The following ZFR2 variants were observed in gnomAD, a reference collection of about 807,000 sequenced individuals.
The protein encoded by ZFR2 is zinc finger RNA binding protein 2.
A neutral mutation model predicts 105.7 loss-of-function variants in ZFR2; 104 were observed. The ratio of observed to expected loss-of-function variants is 0.98; its 90% CI spans 0.84 to 1.16. The LOEUF (loss-of-function observed/expected upper bound fraction) is 1.16, where lower values mean the gene tolerates loss of function less well. Among genes scored for constraint, ZFR2 ranks in the 50% most tolerant of loss-of-function variants. ZFR2 has a pLI of 0.00. For synonymous variants in ZFR2, 634 were observed against 597.7 expected (o/e 1.06, Z -0.89); for missense variants, 1,425 against 1,355.5 (o/e 1.05, Z -0.80).
Position 3,806,033 on chromosome 19 carries a change from C to T in ZFR2, c.2736G>A (p.Arg912=). The T allele has an allele frequency of 6.5e-7, 1 of 1,542,576 alleles. No homozygotes were observed. The highest frequency in any genetic ancestry group is 8.7e-7 in the Non-Finnish European group (1 of 1,145,064). ...PPRHRLGARF[R]KRQRGPGEGE... ...CCTCGCCAGGTCCCCGTTGCCTCTT[C>T]CGGAAGCGGGCCCCCAGCCGGTGTC... Residue 912 remains arginine, a synonymous_variant, in exon 19 of 19, where the codon CGG becomes CGA. Coordinates refer to ENST00000262961, the MANE Select transcript of ZFR2 (RefSeq NM_015174.2).
intron 14 of ZFR2, among the ~76,000 whole-genome samples, chr19:3,811,911 C>T (rs111909727): frequency 2.6e-5 from 4 of 152,176 alleles, no homozygotes; most frequent in African/African-American, 9.6e-5. Context: ...CAGGCGTGCA[C>T]CACCACACCC....
At chr19:3,807,348 C>T in intron 17 of ZFR2, 79 bp from the exon 18 acceptor site, 2 of 1,100,190 alleles carry the variant, frequency 1.8e-6, no homozygotes, top group Admixed American at 2.1e-5. Context: ...TCCCTCGACA[C>T]CGTGGGGCCT....
Position 3,805,639 on chromosome 19 carries a change from C to A in ZFR2, c.*310G>T. 3.5e-6 allele frequency: 1 copy of A among 289,780 alleles called. No homozygotes were observed. Among genetic ancestry groups the A allele is most frequent in the East Asian group, 6.3e-5 (1 of 15,774 alleles). The allele number at this position is 289,780 out of a possible 1,614,324, so 18.0% of individuals were successfully genotyped here. ...GTGCTGGGATTACAGGCGTGAATCA[C>A]CGCGCCTGGCCACCAACCATGCCAA... is the stretch of plus-strand genomic sequence containing the variant. On this transcript the variant is annotated 3_prime_UTR_variant, in exon 19 of 19. Coordinates refer to ENST00000262961, the MANE Select transcript of ZFR2 (RefSeq NM_015174.2).
intron 1 of ZFR2, among the ~76,000 whole-genome samples, chr19:3,860,230 G>T (rs925908913): frequency 5.4e-4 from 81 of 150,478 alleles, no homozygotes; most frequent in Non-Finnish European, 9.9e-4. Flanking sequence ...AGATGGGGGG[G>T]GTCTCACTAT....
Position 3,813,779 on chromosome 19 carries a change from CGT to C in ZFR2, c.2242+39_2242+40del, listed in dbSNP as rs1272471322. The C allele has an allele frequency of 6.2e-7, 1 of 1,608,134 alleles. No homozygotes were observed. The highest frequency in any genetic ancestry group is 1.3e-5 in the African/African-American group (1 of 74,774). ...GGGTGTGGGGAGCGCCCTGGGGAAG[CGT>C]GAGGGGGACAGTGGTTGGAAGGAAG... is the stretch of plus-strand genomic sequence containing the variant. On this transcript the variant is annotated intron_variant, in intron 14 of 18. Transcript: ENST00000262961. The surrounding 1 kb of genome is among the most constrained non-coding windows in gnomAD (Gnocchi z 4.4).
chr19:3,846,201 G>T (rs1599247572), intron 1 of ZFR2, among the ~76,000 whole-genome samples: 1 of 152,168 alleles, frequency 6.6e-6, no homozygotes, highest in Non-Finnish European at 1.5e-5. Flanking sequence ...GTTCTTGAAC[G>T]CCTGACCTTA....
chr19:3,836,980 T>C (rs570443416), intron 1 of ZFR2, among the ~76,000 whole-genome samples: 12 of 152,236 alleles, frequency 7.9e-5, no homozygotes, highest in African/African-American at 2.4e-4. Context: ...GAGGGTCATT[T>C]TGGGGAAAAT....
chr19:3,848,169 T>C (rs1239383672), intron 1 of ZFR2, among the ~76,000 whole-genome samples: 4 of 152,208 alleles, frequency 2.6e-5, no homozygotes, highest in Non-Finnish European at 5.9e-5. Context: ...CCCAGTACTT[T>C]GGGAGGCCGA....
chr19:3,806,855 C>T (rs905487334), intron 18 of ZFR2, among the ~76,000 whole-genome samples: 2 of 152,220 alleles, frequency 1.3e-5, no homozygotes, highest in East Asian at 1.9e-4. Context: ...GCTGGGCAGG[C>T]GGAGCTGTCG....
rs751618030 is a variant in ZFR2, at chr19:3,819,223, G to A, written c.1753C>T (p.Pro585Ser). 6.5e-7 allele frequency: 1 copy of A among 1,545,142 alleles called. No individual in the cohort carries two copies. The highest frequency in any genetic ancestry group is 2.3e-5 in the East Asian group (1 of 44,000). Residue 585 changes from proline to serine, a missense_variant, in exon 12 of 19, where the codon CCG becomes TCG. Physicochemically the swap from Pro to Ser is moderately conservative, Grantham distance 74. Coordinates refer to ENST00000262961, the MANE Select transcript of ZFR2 (RefSeq NM_015174.2). ...ASAPLQPGRRPASSDDRHVMC... is the reference protein window; with the variant it reads ...ASAPLQPGRRSASSDDRHVMC... ...ACGTGCCGGTCGTCGCTGGACGCCG[G>A]CCGCCGCCCGGGCTGTGGGGAGAGG...
chr19:3,842,444 T>C (rs1281516804), intron 1 of ZFR2, among the ~76,000 whole-genome samples: 1 of 152,174 alleles, frequency 6.6e-6, no homozygotes, highest in Non-Finnish European at 1.5e-5. Context: ...AATTTTGATC[T>C]AAAAACTTGA....
In ZFR2 at chr19:3,838,825, G is replaced by A. The variant is rs2038105498; in HGVS notation, c.54-3842C>T. On this transcript the variant is annotated intron_variant, in intron 1 of 18. Transcript: ENST00000262961. This position sits in a 1 kb window ranked among gnomAD's most constrained non-coding sequence, Gnocchi z 4.9. The stretch of plus-strand genomic sequence containing the variant: ...TACACTGCACGTCTGTCCACAGGCC[G>A]TCTCCTCCCTGGTCCCGATGCCCTG... Among the ~76,000 whole-genome samples, 3 of 152,224 alleles carry A rather than the reference G, an allele frequency of 2.0e-5. No individual in the cohort carries two copies. Among genetic ancestry groups the A allele is most frequent in the South Asian group, 2.1e-4 (1 of 4,818 alleles).
chr19:3,820,942 G>GTCACAA lies in ZFR2; in HGVS notation c.1631+397_1631+398insTTGTGA, dbSNP rs1568420867. On this transcript the variant is annotated intron_variant, in intron 10 of 18. Transcript: ENST00000262961. ...GGACACCGGGGGTCGGGGGACACAG[G>GTCACAA]GACACTAGAGGTCGGTGGACACAGG... Among the ~76,000 whole-genome samples the GTCACAA allele has an allele frequency of 2.4e-4, 24 of 100,894 alleles. 3 individuals carry two copies. The highest frequency in any genetic ancestry group is 6.0e-4 in the South Asian group (2 of 3,334). The allele number at this position is 100,894 out of a possible 152,430, so 66.2% of individuals were successfully genotyped here.
At chr19:3,850,454 C>A (rs573976912) in intron 1 of ZFR2, among the ~76,000 whole-genome samples, 6 of 152,148 alleles carry the variant, frequency 3.9e-5, no homozygotes, top group Admixed American at 3.3e-4. Context: ...ATTACGTCCC[C>A]CTGCCCCCAA....
intron 1 of ZFR2, among the ~76,000 whole-genome samples, chr19:3,848,650 C>G (rs1313212625): frequency 2.0e-5 from 3 of 151,088 alleles, no homozygotes; most frequent in Admixed American, 1.3e-4. Context: ...GAGATCACAC[C>G]ACTGCACTCC....
At chr19:3,851,284 A>G (rs2038235240) in intron 1 of ZFR2, among the ~76,000 whole-genome samples, 1 of 152,168 alleles carries the variant, frequency 6.6e-6, no homozygotes, top group Non-Finnish European at 1.5e-5. Flanking sequence ...AGTCAAAGCC[A>G]GCTCTCAGCA....
intron 13 of ZFR2, 58 bp downstream of exon 13, chr19:3,816,616 G>A (rs767740576): frequency 2.0e-5 from 31 of 1,557,128 alleles, no homozygotes; most frequent in African/African-American, 1.4e-4. Flanking sequence ...AAGGGGCTGC[G>A]GGGAGAGGGC....
chr19:3,820,343 T>C lies in ZFR2; in HGVS notation c.1632-53A>G, dbSNP rs111677091. ...GGTCAGGCCAGCAGTGGCCCTAAGC[T>C]GGGGGCAAGTCAGAAACACTGGGGC... On this transcript the variant is annotated intron_variant, in intron 10 of 18. Transcript: ENST00000262961. 1.5e-3 allele frequency: 2,275 copies of C among 1,483,562 alleles called. 33 individuals carry two copies. In the East Asian group the frequency reaches 0.025, roughly 17 times the overall value. The allele number at this position is 1,483,562 out of a possible 1,614,324, so 91.9% of individuals were successfully genotyped here. A position where few individuals can be genotyped will look rare whatever the true frequency, so the allele number is the denominator to read the frequency against.
chr19:3,820,737 A>G (rs1180949683), intron 10 of ZFR2, among the ~76,000 whole-genome samples: 1 of 121,422 alleles, frequency 8.2e-6, no homozygotes, highest in African/African-American at 3.1e-5. Context: ...CAGGGTCATC[A>G]GGGGTCAGGA....
Sources: allele counts gnomAD v4.1 joint callset (sites outside exome capture counted in the v4.1 genomes callset), GRCh38; gene constraint gnomAD v4.1.1; non-coding constraint Gnocchi (gnomAD v3.1); transcripts MANE v1.5; gene names NCBI Gene and HGNC (gene_info 2026-07-23, HGNC 2026-07-21).